Variants in PRKN observed in about 807,000 individuals in gnomAD.
PRKN encodes the protein parkin RBR E3 ubiquitin protein ligase, also known as E3 ubiquitin-protein ligase parkin.
PRKN carries 56 observed loss-of-function variants against 59.5 expected under a neutral mutation model. The observed-to-expected ratio is 0.94, with a 90% CI of 0.76 to 1.18. PRKN has a LOEUF of 1.18. Among genes scored for constraint, PRKN ranks in the 50% most tolerant of loss-of-function variants. PRKN has a pLI of 0.00. For missense variants in PRKN, 657 were observed against 596.4 expected, an observed-to-expected ratio of 1.10 and a Z score of -1.06; for synonymous variants, 250 against 222.1, an observed-to-expected ratio of 1.13 and a Z score of -1.12.
rs868530544 is a variant in PRKN at position 161,977,550 on chromosome 6, T to G, written c.619-4133A>C. 8.4e-3 allele frequency among the ~76,000 whole-genome samples: 1,211 copies of G among 143,654 alleles called. 14 individuals are homozygous for G. Among genetic ancestry groups the G allele is most frequent in the Middle Eastern group, 0.029 (8 of 280 alleles). The allele number at this position is 143,654 out of a possible 152,430, so 94.2% of individuals were successfully genotyped here. ...TACTTTCTGTTTTTTTGGTTTTTTT[T>G]TTTTTTTTTTTTTTTAAGACAGAGT... is the stretch of plus-strand genomic sequence containing the variant. On this transcript the variant is annotated intron_variant, in intron 5 of 11. Coordinates refer to ENST00000366898, the MANE Select transcript of PRKN (RefSeq NM_004562.3).
chr6:162,363,131 CAAAA>C (rs34722234), intron 2 of PRKN, among the ~76,000 whole-genome samples: 4 of 98,386 alleles, frequency 4.1e-5, no homozygotes, highest in Non-Finnish European at 6.3e-5. Flanking sequence ...CCTTCTCAAA[CAAAA>C]AAAAAAAAAA....
At chr6:162,394,064 G>A (rs1787353924) in intron 2 of PRKN, among the ~76,000 whole-genome samples, 1 of 152,088 alleles carries the variant, frequency 6.6e-6, no homozygotes, top group South Asian at 2.1e-4. Flanking sequence ...TTGTTACACT[G>A]TAGTAACTTA....
intron 6 of PRKN, among the ~76,000 whole-genome samples, chr6:161,897,501 G>C (rs1292227379): frequency 6.6e-6 from 1 of 152,108 alleles, no homozygotes; most frequent in Non-Finnish European, 1.5e-5. Flanking sequence ...TTGGGATTAG[G>C]GAACATAGTG....
chr6:162,375,536 T>G lies in PRKN; in HGVS notation c.171+67774A>C, dbSNP rs142872345. On this transcript the variant is annotated intron_variant, in intron 2 of 11. Coordinates refer to ENST00000366898, the MANE Select transcript of PRKN (RefSeq NM_004562.3). ...CAGGATACTTAAAGGAAATGCTCACTGGAACGTTCTAGATTTTGGATTTGG... is the reference window on the plus strand; with the variant it reads ...CAGGATACTTAAAGGAAATGCTCACGGGAACGTTCTAGATTTTGGATTTGG... 5.1e-4 allele frequency among the ~76,000 whole-genome samples: 78 copies of G among 152,034 alleles called. No homozygotes were observed. In the East Asian group the frequency reaches 0.014, roughly 27 times the overall value.
intron 5 of PRKN, among the ~76,000 whole-genome samples, chr6:162,044,488 A>G (rs1485352455): frequency 6.6e-6 from 1 of 152,200 alleles, no homozygotes; most frequent in Non-Finnish European, 1.5e-5. Flanking sequence ...TTCCCAGCGT[A>G]GATTCCAGGC....
intron 1 of PRKN, among the ~76,000 whole-genome samples, chr6:162,720,934 C>T (rs1778919958): frequency 6.6e-6 from 1 of 152,090 alleles, no homozygotes; most frequent in African/African-American, 2.4e-5. Flanking sequence ...GAAGGAGATA[C>T]AAACTATTTT....
rs79440203 is a variant in PRKN at position 162,377,248 on chromosome 6, G to C, written c.171+66062C>G. On this transcript the variant is annotated intron_variant, in intron 2 of 11. Coordinates refer to ENST00000366898, the MANE Select transcript of PRKN (RefSeq NM_004562.3). ...ATCCAAATCTGCAGACTGGTAGGCT[G>C]ACTAGGCTATGTGAATGTGTAAGGA... Among the ~76,000 whole-genome samples, 1,260 of 152,288 alleles carry C rather than the reference G, an allele frequency of 8.3e-3. 19 individuals are homozygous for C. The highest frequency in any genetic ancestry group is 0.028 in the African/African-American group (1,180 of 41,552).
intron 2 of PRKN, among the ~76,000 whole-genome samples, chr6:162,328,569 C>A (rs774755114): frequency 6.6e-6 from 1 of 152,118 alleles, no homozygotes; most frequent in Non-Finnish European, 1.5e-5. Context: ...AGAAAAGAGA[C>A]CGGTAAATAA....
intron 9 of PRKN, among the ~76,000 whole-genome samples, chr6:161,387,933 T>G (rs903762991): frequency 6.6e-6 from 1 of 152,178 alleles, no homozygotes. Context: ...ACCATGGGAC[T>G]GAAGACGCCC....
At chr6:162,167,148 C>T (rs11969738) in intron 4 of PRKN, among the ~76,000 whole-genome samples, 3,382 of 152,158 alleles carry the variant, frequency 0.022, 133 homozygotes, top group African/African-American at 0.077. Context: ...ATTCCATTTT[C>T]GCATTGTCAA....
rs894963827 is a variant in PRKN at position 161,886,638 on chromosome 6, G to A, written c.734+86664C>T. 4.0e-5 allele frequency among the ~76,000 whole-genome samples: 6 copies of A among 151,602 alleles called. No individual in the cohort carries two copies. The South Asian group carries it at 6.2e-4, about 16-fold the overall frequency. On this transcript the variant is annotated intron_variant, in intron 6 of 11. Coordinates refer to ENST00000366898, the MANE Select transcript of PRKN (RefSeq NM_004562.3). ...CTTGAACCCGGGAGGTGGAGGTTGC[G>A]GTGAGCCGAGATCGCGCCACTGCAC...
intron 5 of PRKN, among the ~76,000 whole-genome samples, chr6:161,986,201 G>C (rs961486223): frequency 6.6e-6 from 1 of 152,150 alleles, no homozygotes; most frequent in Non-Finnish European, 1.5e-5. Flanking sequence ...TTACAAGTAG[G>C]TATAAACATG....
chr6:161,512,395 G>A (rs1778425817), intron 9 of PRKN, among the ~76,000 whole-genome samples: 1 of 152,200 alleles, frequency 6.6e-6, no homozygotes, highest in South Asian at 2.1e-4. Flanking sequence ...CAATATGATA[G>A]AAATGAATCT....
At chr6:162,596,808 C>T (rs533817251) in intron 1 of PRKN, among the ~76,000 whole-genome samples, 5 of 152,156 alleles carry the variant, frequency 3.3e-5, no homozygotes, top group South Asian at 4.1e-4. Context: ...ATTCTCCTGG[C>T]GCTAAAGGGT....
At chr6:162,131,984 G>A (rs577604517) in intron 4 of PRKN, among the ~76,000 whole-genome samples, 32 of 152,194 alleles carry the variant, frequency 2.1e-4, no homozygotes, top group Non-Finnish European at 4.3e-4. Flanking sequence ...CCGACGTGTG[G>A]TGATGGTTAA....
intron 1 of PRKN, among the ~76,000 whole-genome samples, chr6:162,596,354 T>A (rs890709270): frequency 2.0e-5 from 3 of 152,194 alleles, no homozygotes; most frequent in Non-Finnish European, 4.4e-5. Context: ...ACGAAATATT[T>A]CTTTATTATT....
At chr6:162,463,818 G>A (rs1791284929) in intron 1 of PRKN, among the ~76,000 whole-genome samples, 1 of 152,164 alleles carries the variant, frequency 6.6e-6, no homozygotes, top group African/African-American at 2.4e-5. Flanking sequence ...ATGAAACTGT[G>A]AGCAGCCTGC....
At chr6:162,184,554 G>A (rs1267513796) in intron 4 of PRKN, among the ~76,000 whole-genome samples, 1 of 152,114 alleles carries the variant, frequency 6.6e-6, no homozygotes, top group Non-Finnish European at 1.5e-5. Context: ...CTCTCTTGCT[G>A]CCCTGTGTAG....
chr6:162,641,707 C>T (rs144863888), intron 1 of PRKN, among the ~76,000 whole-genome samples: 1,641 of 152,282 alleles, frequency 0.011, 21 homozygotes, highest in African/African-American at 0.037. Flanking sequence ...GTCACTCCAT[C>T]CGCCCTCTGT....
Sources: allele counts gnomAD v4.1 joint callset (sites outside exome capture counted in the v4.1 genomes callset), GRCh38; gene constraint gnomAD v4.1.1; transcripts MANE v1.5; gene names NCBI Gene and HGNC (gene_info 2026-07-23, HGNC 2026-07-21).